ZMYM4: variants seen among roughly 807,000 people sequenced by gnomAD.
ZMYM4 encodes zinc finger MYM-type protein 4.
A neutral mutation model predicts 183.2 loss-of-function variants in ZMYM4; 31 were observed. The observed-to-expected ratio is 0.17, with a 90% CI of 0.13 to 0.23. The LOEUF (loss-of-function observed/expected upper bound fraction) is 0.23. ZMYM4 is among the 10% of genes least tolerant of loss of function. The pLI is 1.00. For synonymous variants in ZMYM4, 592 were observed against 631.2 expected (o/e 0.94, Z 0.93); for missense variants, 1,273 against 1,840.3 (o/e 0.69, Z 5.64).
In ZMYM4 at chr1:35,386,257, C is replaced by G; in HGVS notation, c.1836+68C>G. 4 of 1,152,732 alleles carry G rather than the reference C, an allele frequency of 3.5e-6. No homozygotes were observed. In the South Asian group the frequency reaches 4.1e-5, roughly 12 times the overall value. The allele number at this position is 1,152,732 out of a possible 1,614,324, so 71.4% of individuals were successfully genotyped here. A position where few individuals can be genotyped will look rare whatever the true frequency, so the allele number is the denominator to read the frequency against. On this transcript the variant is annotated intron_variant, in intron 11 of 29. Transcript: ENST00000314607. Reference sequence around the variant, plus strand: ...CCTACTGTATGAGTCTGTTCTTGCACTCCTCTAAAGAAATACCCTAGACTG... The same window carrying G: ...CCTACTGTATGAGTCTGTTCTTGCAGTCCTCTAAAGAAATACCCTAGACTG...
At chr1:35,308,998 G>A (rs1641675542) in intron 1 of ZMYM4, 2 of 985,310 alleles carry the variant, frequency 2.0e-6, no homozygotes, top group Admixed American at 1.2e-4. Context: ...GAAAAGTGGT[G>A]TGAATGACAG....
chr1:35,356,773 G>GT (rs1488376523), intron 2 of ZMYM4, among the ~76,000 whole-genome samples: 1 of 152,188 alleles, frequency 6.6e-6, no homozygotes, highest in Non-Finnish European at 1.5e-5. Context: ...ACTTCAAGCA[G>GT]TGGGGAGCTA....
At chr1:35,284,256 G>A (rs979060404) in intron 1 of ZMYM4, among the ~76,000 whole-genome samples, 1 of 152,168 alleles carries the variant, frequency 6.6e-6, no homozygotes, top group African/African-American at 2.4e-5. Context: ...GATTACAGGC[G>A]TGAGCCACCG....
intron 9 of ZMYM4, among the ~76,000 whole-genome samples, chr1:35,383,441 T>TA (rs1254568846): frequency 1.3e-5 from 2 of 152,200 alleles, no homozygotes; most frequent in Non-Finnish European, 1.5e-5. Flanking sequence ...TAATTGTTCT[T>TA]AAAACCTTGT....
At chr1:35,332,159 AGTT>A (rs1298965430) in intron 2 of ZMYM4, among the ~76,000 whole-genome samples, 2 of 152,098 alleles carry the variant, frequency 1.3e-5, no homozygotes, top group African/African-American at 4.8e-5. Flanking sequence ...GTTTTCTTAT[AGTT>A]GTTTTGTGAA....
At chr1:35,369,250 T>C (rs2148931674) in intron 5 of ZMYM4, among the ~76,000 whole-genome samples, 1 of 152,316 alleles carries the variant, frequency 6.6e-6, no homozygotes, top group South Asian at 2.1e-4. Context: ...TAGAATGCAA[T>C]TGTATAATTG....
intron 1 of ZMYM4, chr1:35,310,276 G>A: frequency 5.4e-6 from 1 of 186,232 alleles, no homozygotes; most frequent in South Asian, 9.6e-5. Flanking sequence ...TTATTATGAA[G>A]GCAGCATTGT....
At chr1:35,350,409 C>T (rs1045343257) in intron 2 of ZMYM4, among the ~76,000 whole-genome samples, 16 of 152,082 alleles carry the variant, frequency 1.1e-4, no homozygotes, top group Non-Finnish European at 2.2e-4. Flanking sequence ...CTACCTCAGC[C>T]TCCCTAGTAG....
At chr1:35,370,819 A>G (rs1203828584) in intron 7 of ZMYM4, 192 bp downstream of exon 7, 1 of 619,434 alleles carries the variant, frequency 1.6e-6, no homozygotes, top group South Asian at 5.6e-5. Context: ...CTAGGTGCTC[A>G]GCTTGTTTTT....
At chr1:35,395,908 A>G (rs1644800614) in intron 18 of ZMYM4, among the ~76,000 whole-genome samples, 1 of 152,222 alleles carries the variant, frequency 6.6e-6, no homozygotes, top group African/African-American at 2.4e-5. Flanking sequence ...TAATGGAATA[A>G]ATCATCCATC....
intron 7 of ZMYM4, among the ~76,000 whole-genome samples, chr1:35,371,108 C>CACGT (rs1644202703): frequency 1.1e-5 from 1 of 91,444 alleles, no homozygotes; most frequent in South Asian, 4.1e-4. Flanking sequence ...TGTGTGTGTG[C>CACGT]GCACATTTAT....
At chr1:35,342,865 A>G (rs1484955682) in intron 2 of ZMYM4, among the ~76,000 whole-genome samples, 1 of 151,810 alleles carries the variant, frequency 6.6e-6, no homozygotes, top group Non-Finnish European at 1.5e-5. Flanking sequence ...ACTTTTTTGT[A>G]GAGATGGGGT....
At position 35,318,593 on chromosome 1, in the gene ZMYM4, G is replaced by A. The variant is rs867061793; in HGVS notation, c.40-6767G>A. On this transcript the variant is annotated intron_variant, in intron 1 of 29. Coordinates refer to ENST00000314607, the MANE Select transcript of ZMYM4 (RefSeq NM_005095.3). Reference sequence around the variant, plus strand: ...CTGCCTCAGCCTCCCAAATAGCTGGGATTACAGGCATGTGCCACCACACCT... The same window carrying A: ...CTGCCTCAGCCTCCCAAATAGCTGGAATTACAGGCATGTGCCACCACACCT... 1.6e-4 allele frequency among the ~76,000 whole-genome samples: 24 copies of A among 152,060 alleles called. No homozygotes were observed. In the Middle Eastern group the frequency reaches 0.014, roughly 87 times the overall value.
intron 23 of ZMYM4, among the ~76,000 whole-genome samples, chr1:35,403,379 A>C (rs1644946686): frequency 6.6e-6 from 1 of 152,110 alleles, no homozygotes; most frequent in South Asian, 2.1e-4. Context: ...TCCACCTTCC[A>C]GGTTCAAGCA....
rs1436568522 is a variant in ZMYM4 at position 35,389,170 on chromosome 1, A to G, written c.2436+88A>G. The G allele has an allele frequency of 1.5e-6, 2 of 1,353,350 alleles. No homozygotes were observed. The highest frequency in any genetic ancestry group is 2.0e-6 in the Non-Finnish European group (2 of 1,000,608). The allele number at this position is 1,353,350 out of a possible 1,614,324, so 83.8% of individuals were successfully genotyped here. A position where few individuals can be genotyped will look rare whatever the true frequency, so the allele number is the denominator to read the frequency against. On this transcript the variant is annotated intron_variant, in intron 14 of 29. Coordinates refer to ENST00000314607, the MANE Select transcript of ZMYM4 (RefSeq NM_005095.3). This position sits in a 1 kb window ranked among gnomAD's most constrained non-coding sequence, Gnocchi z 4.0. ...TTCATGTCACATAAAGGACAATTTAATTATTTAAAACTTTTAAGTATTAAA... is the reference window on the plus strand; with the variant it reads ...TTCATGTCACATAAAGGACAATTTAGTTATTTAAAACTTTTAAGTATTAAA...
chr1:35,350,980 T>G, intron 2 of ZMYM4: 1 of 805,548 alleles, frequency 1.2e-6, no homozygotes, highest in South Asian at 1.6e-5. Context: ...AAATATGGTT[T>G]GAAGGTTGGC....
intron 28 of ZMYM4, among the ~76,000 whole-genome samples, chr1:35,417,367 A>G (rs1431353796): frequency 6.6e-6 from 1 of 152,104 alleles, no homozygotes; most frequent in East Asian, 1.9e-4. Flanking sequence ...TCCTTATATA[A>G]TGCTTGGCCT....
chr1:35,283,047 G>A (rs780545779), intron 1 of ZMYM4, among the ~76,000 whole-genome samples: 58 of 119,492 alleles, frequency 4.9e-4, no homozygotes, highest in Admixed American at 8.3e-4. Context: ...TGCCCAGGCC[G>A]GAGTGCAGTG....
At chr1:35,417,190 T>C (rs1640150877) in intron 28 of ZMYM4, among the ~76,000 whole-genome samples, 1 of 148,920 alleles carries the variant, frequency 6.7e-6, no homozygotes, top group Non-Finnish European at 1.5e-5. Context: ...TGAGCTGTGA[T>C]GGAGTCACTG....
Sources: gnomAD v4.1 joint callset for allele counts (sites outside exome capture counted in the v4.1 genomes callset) on GRCh38, gnomAD v4.1.1 for gene constraint, Gnocchi (gnomAD v3.1) non-coding constraint, MANE v1.5 for transcripts, NCBI Gene and HGNC (gene_info 2026-07-23, HGNC 2026-07-21) for gene names.